The following SVOPL variants were observed in gnomAD, a reference collection of about 807,000 sequenced individuals.
SVOPL encodes SVOP like.
In SVOPL, 60 loss-of-function variants were observed where a neutral mutation model predicts 61.0. The observed-to-expected ratio is 0.98, with a 90% CI of 0.80 to 1.22. The LOEUF (loss-of-function observed/expected upper bound fraction) is 1.22, where lower values mean the gene tolerates loss of function less well. SVOPL is among the 50% of genes most tolerant of loss of function. The pLI is 0.00. For missense variants in SVOPL, 662 were observed against 643.9 expected (o/e 1.03, Z -0.30); for synonymous variants, 279 against 250.0 (o/e 1.12, Z -1.09).
At position 138,694,099 on chromosome 7, in the gene SVOPL, A is replaced by T. The variant is rs547245440; in HGVS notation, c.-35+7079T>A. On this transcript the variant is annotated intron_variant, in intron 1 of 15. Coordinates refer to ENST00000674285, the MANE Select transcript of SVOPL (RefSeq NM_001139456.2). ...CACTCGAACTATTGGCAGACGTGTA[A>T]ATTGGTACAACCTTTCTCAAAGGCA... is the stretch of plus-strand genomic sequence containing the variant. 8.5e-5 allele frequency among the ~76,000 whole-genome samples: 13 copies of T among 152,342 alleles called. No homozygotes were observed. In the South Asian group the frequency reaches 1.9e-3, roughly 22 times the overall value.
At chr7:138,644,921 C>G in intron 8 of SVOPL, 76 bp from the exon 9 acceptor site, 3 of 1,557,068 alleles carry the variant, frequency 1.9e-6, no homozygotes, top group South Asian at 2.3e-5. Context: ...TTGCTCTATA[C>G]ACTACAGTCC....
At chr7:138,611,635 T>A (rs946957806) in intron 14 of SVOPL, among the ~76,000 whole-genome samples, 2 of 152,224 alleles carry the variant, frequency 1.3e-5, no homozygotes, top group African/African-American at 4.8e-5. Flanking sequence ...CAGGCATTTA[T>A]ATAGGACAAA....
rs35740951 is a variant in SVOPL, at chr7:138,700,679, AGGATGGAT to A, written c.-35+491_-35+498del. Among the ~76,000 whole-genome samples, 8 of 148,934 alleles carry A rather than the reference AGGATGGAT, an allele frequency of 5.4e-5. No homozygotes were observed. In the East Asian group the frequency reaches 9.9e-4, roughly 19 times the overall value. On this transcript the variant is annotated intron_variant, in intron 1 of 15. Transcript: ENST00000674285. Reference sequence around the variant, plus strand: ...TCTAAATCCTTTCTAACCCAGTAAGAGGATGGATGGATGGATGGATGGATGGATGGATG... The same window carrying A: ...TCTAAATCCTTTCTAACCCAGTAAGAGGATGGATGGATGGATGGATGGATG...
chr7:138,634,493 A>G (rs1419366109), intron 9 of SVOPL, among the ~76,000 whole-genome samples: 1 of 151,802 alleles, frequency 6.6e-6, no homozygotes, highest in African/African-American at 2.4e-5. Context: ...GAAAAAAAAA[A>G]AAAAATTAGC....
intron 14 of SVOPL, among the ~76,000 whole-genome samples, chr7:138,608,597 G>C (rs1472002196): frequency 2.0e-5 from 3 of 152,116 alleles, no homozygotes; most frequent in African/African-American, 7.2e-5. Context: ...GTCAGAATCT[G>C]GGTTGCATTC....
intron 13 of SVOPL, among the ~76,000 whole-genome samples, chr7:138,622,761 C>A (rs971348905): frequency 1.6e-4 from 24 of 152,222 alleles, no homozygotes; most frequent in African/African-American, 5.5e-4. Flanking sequence ...CATGCCCAGC[C>A]ATATTCTACT....
chr7:138,610,002 G>T (rs1463135441), intron 14 of SVOPL, among the ~76,000 whole-genome samples: 2 of 152,132 alleles, frequency 1.3e-5, no homozygotes, highest in Non-Finnish European at 2.9e-5. Flanking sequence ...AAAATTCTGG[G>T]ATTATAGATG....
intron 5 of SVOPL, chr7:138,662,028 G>A: frequency 1.0e-6 from 1 of 985,418 alleles, no homozygotes; most frequent in Non-Finnish European, 1.2e-6. Context: ...GGGGCAAAAG[G>A]GTGAGTCTTT....
intron 1 of SVOPL, among the ~76,000 whole-genome samples, chr7:138,695,590 G>A (rs1803047726): frequency 6.6e-6 from 1 of 152,114 alleles, no homozygotes; most frequent in Non-Finnish European, 1.5e-5. Flanking sequence ...ACATAAGAGA[G>A]GGCTCCTTCT....
chr7:138,696,018 G>T (rs1385244077), intron 1 of SVOPL, among the ~76,000 whole-genome samples: 1 of 152,126 alleles, frequency 6.6e-6, no homozygotes, highest in East Asian at 1.9e-4. Context: ...CTGACCTCAG[G>T]TGATCTGCCC....
intron 14 of SVOPL, among the ~76,000 whole-genome samples, chr7:138,610,253 C>T (rs1798939292): frequency 1.3e-5 from 2 of 151,764 alleles, no homozygotes; most frequent in African/African-American, 2.4e-5. Context: ...TCTTTCTCCC[C>T]TCCCTCTCCT....
intron 5 of SVOPL, chr7:138,661,658 C>T: frequency 1.1e-6 from 1 of 945,216 alleles, no homozygotes; most frequent in Non-Finnish European, 1.3e-6. Context: ...GATGTAGAAT[C>T]AGCTGATAGC....
chr7:138,676,803 C>A (rs1434116975), intron 3 of SVOPL, among the ~76,000 whole-genome samples: 1 of 152,038 alleles, frequency 6.6e-6, no homozygotes, highest in Non-Finnish European at 1.5e-5. Flanking sequence ...GTATTGAATT[C>A]CCAAAACATA....
At chr7:138,629,433 A>C (rs1040190813) in intron 10 of SVOPL, among the ~76,000 whole-genome samples, 2 of 151,966 alleles carry the variant, frequency 1.3e-5, no homozygotes, top group Admixed American at 1.3e-4. Context: ...GGGTTTCACC[A>C]TGTTGGCCAG....
chr7:138,604,419 A>G (rs533338079), intron 14 of SVOPL, among the ~76,000 whole-genome samples: 18 of 152,298 alleles, frequency 1.2e-4, no homozygotes, highest in African/African-American at 4.3e-4. Flanking sequence ...TACGCCTGTA[A>G]TCCCAGCACA....
chr7:138,643,251 C>T (rs990232848), intron 9 of SVOPL, among the ~76,000 whole-genome samples: 1 of 151,762 alleles, frequency 6.6e-6, no homozygotes, highest in African/African-American at 2.4e-5. Flanking sequence ...ATGGTGAAAC[C>T]CCGTCTCTAC....
intron 14 of SVOPL, chr7:138,596,954 T>C: frequency 2.6e-5 from 29 of 1,118,190 alleles, no homozygotes; most frequent in Non-Finnish European, 3.2e-5. Flanking sequence ...ATGAAACAGG[T>C]GAAAGTTTTT....
chr7:138,603,061 A>G (rs1390399307), intron 14 of SVOPL, among the ~76,000 whole-genome samples: 1 of 152,156 alleles, frequency 6.6e-6, no homozygotes, highest in African/African-American at 2.4e-5. Flanking sequence ...ATACATACAC[A>G]TCCACATATA....
intron 2 of SVOPL, 49 bp downstream of exon 2, chr7:138,678,915 C>T (rs771537543): frequency 6.6e-7 from 1 of 1,526,150 alleles, no homozygotes; most frequent in Non-Finnish European, 8.9e-7. Flanking sequence ...AAAAAGGATT[C>T]TTAACTCTAA....
Sources: gnomAD v4.1 joint callset for allele counts (sites outside exome capture counted in the v4.1 genomes callset) on GRCh38, gnomAD v4.1.1 for gene constraint, MANE v1.5 for transcripts, NCBI Gene and HGNC (gene_info 2026-07-23, HGNC 2026-07-21) for gene names.